The following PKNOX2 variants were observed in gnomAD, a reference collection of about 807,000 sequenced individuals.
The protein encoded by PKNOX2 is PBX/knotted 1 homeobox 2.
In PKNOX2, 14 loss-of-function variants were observed where a neutral mutation model predicts 53.1. That is an observed-to-expected ratio of 0.26 (90% CI 0.17 to 0.41). The LOEUF (loss-of-function observed/expected upper bound fraction) is 0.41. Among genes scored for constraint, PKNOX2 ranks in the 10% least tolerant of loss-of-function variants. The probability of loss-of-function intolerance (pLI) is 1.00; values close to 1 mark genes in which losing one functional copy is unlikely to be tolerated. For missense variants in PKNOX2, 496 were observed against 602.8 expected (o/e 0.82, Z 1.85); for synonymous variants, 257 against 242.8 (o/e 1.06, Z -0.54).
rs562348186 is a variant in PKNOX2, at chr11:125,404,763, C to T, written c.589-5433C>T. On this transcript the variant is annotated intron_variant, in intron 7 of 12. Transcript: ENST00000298282. ...CAGTTTCGGGGAATTCAGAGAAAGACCCCTCTTTCCCTCAAAAAGCCTGCC... is the reference window on the plus strand; with the variant it reads ...CAGTTTCGGGGAATTCAGAGAAAGATCCCTCTTTCCCTCAAAAAGCCTGCC... 9.9e-5 allele frequency among the ~76,000 whole-genome samples: 15 copies of T among 152,256 alleles called. No individual in the cohort carries two copies. The South Asian group carries it at 2.9e-3, about 30-fold the overall frequency.
chr11:125,244,505 C>T (rs1369833358), intron 2 of PKNOX2, among the ~76,000 whole-genome samples: 2 of 152,230 alleles, frequency 1.3e-5, no homozygotes, highest in Non-Finnish European at 2.9e-5. Flanking sequence ...CTCGCCTTCC[C>T]CCTGAGTTGG....
intron 10 of PKNOX2, among the ~76,000 whole-genome samples, chr11:125,423,166 T>C (rs917484827): frequency 6.6e-6 from 1 of 152,082 alleles, no homozygotes; most frequent in Non-Finnish European, 1.5e-5. Flanking sequence ...TCTCTCCCAT[T>C]TTACAGAAGA....
At chr11:125,184,670 C>T (rs551989725) in intron 1 of PKNOX2, among the ~76,000 whole-genome samples, 1 of 152,342 alleles carries the variant, frequency 6.6e-6, no homozygotes, top group African/African-American at 2.4e-5. Context: ...TGGAACCTGC[C>T]TGTGCTGACT....
chr11:125,224,729 G>T (rs898826766), intron 1 of PKNOX2, among the ~76,000 whole-genome samples: 7 of 152,150 alleles, frequency 4.6e-5, no homozygotes, highest in Admixed American at 2.0e-4. Context: ...CCACCCCTCC[G>T]CAGAGAATCA....
At chr11:125,233,577 C>T (rs1425605635) in intron 1 of PKNOX2, among the ~76,000 whole-genome samples, 1 of 152,180 alleles carries the variant, frequency 6.6e-6, no homozygotes, top group Non-Finnish European at 1.5e-5. Flanking sequence ...GGTCCTTTTC[C>T]TCAGTGGTTT....
At chr11:125,189,411 ATATGTGTGTGTGTG>A (rs376727747) in intron 1 of PKNOX2, among the ~76,000 whole-genome samples, 5,105 of 50,940 alleles carry the variant, frequency 0.1, 474 homozygotes, top group Admixed American at 0.21. Context: ...GTGTATATAT[ATATGTGTGTGTGTG>A]TGTGTGTGTG....
chr11:125,259,381 T>C (rs1402376945), intron 2 of PKNOX2, among the ~76,000 whole-genome samples: 1 of 152,186 alleles, frequency 6.6e-6, no homozygotes, highest in African/African-American at 2.4e-5. Flanking sequence ...TGACAACTTT[T>C]TTTATTCTGT....
intron 2 of PKNOX2, among the ~76,000 whole-genome samples, chr11:125,288,826 A>G (rs1318010678): frequency 6.6e-6 from 1 of 152,204 alleles, no homozygotes; most frequent in Admixed American, 6.5e-5. Context: ...AGACCCCCTG[A>G]ATCTGAATCT....
intron 1 of PKNOX2, among the ~76,000 whole-genome samples, chr11:125,197,907 G>A (rs905484696): frequency 3.9e-5 from 6 of 152,218 alleles, no homozygotes; most frequent in African/African-American, 1.2e-4. Flanking sequence ...GCAGCCAGGG[G>A]TTGCAGATTA....
intron 2 of PKNOX2, among the ~76,000 whole-genome samples, chr11:125,272,915 G>A (rs962454294): frequency 5.9e-5 from 9 of 152,190 alleles, no homozygotes; most frequent in African/African-American, 1.4e-4. Context: ...ACTGACTGTC[G>A]GGTCTGGCCG....
intron 1 of PKNOX2, among the ~76,000 whole-genome samples, chr11:125,232,625 T>G (rs1003194071): frequency 6.6e-6 from 1 of 152,258 alleles, no homozygotes; most frequent in Non-Finnish European, 1.5e-5. Context: ...CTATTCATCA[T>G]TGTCGAAGTT....
intron 2 of PKNOX2, among the ~76,000 whole-genome samples, chr11:125,284,438 C>T (rs112530458): frequency 9.2e-5 from 14 of 152,318 alleles, no homozygotes; most frequent in African/African-American, 3.4e-4. Context: ...TGCGTGTTAG[C>T]GCCAAGACAC....
At chr11:125,349,877 A>ACG (rs1555160517) in intron 3 of PKNOX2, among the ~76,000 whole-genome samples, 2,681 of 149,704 alleles carry the variant, frequency 0.018, 77 homozygotes, top group African/African-American at 0.063. Flanking sequence ...ACACACACAC[A>ACG]GCCCTGGAGG....
chr11:125,388,916 C>T (rs954966764), intron 6 of PKNOX2, among the ~76,000 whole-genome samples: 10 of 152,276 alleles, frequency 6.6e-5, no homozygotes, highest in Middle Eastern at 3.4e-3. Context: ...TAGGGAGGGC[C>T]GGGAACCGTG....
chr11:125,279,264 G>A (rs1314229597), intron 2 of PKNOX2, among the ~76,000 whole-genome samples: 1 of 152,172 alleles, frequency 6.6e-6, no homozygotes, highest in African/African-American at 2.4e-5. Flanking sequence ...CTGGGCCGTG[G>A]TATCTCCTGG....
chr11:125,423,113 T>C (rs926367654), intron 10 of PKNOX2, among the ~76,000 whole-genome samples: 1 of 152,124 alleles, frequency 6.6e-6, no homozygotes, highest in Non-Finnish European at 1.5e-5. Flanking sequence ...TATACATATA[T>C]ACTCATTTAA....
rs1164141410 is a variant in PKNOX2, at chr11:125,166,277, G to T, written c.-201+1501G>T. ...TGGGGAGGGTAGCACGAGGGGTCCT[G>T]CAGCTCCGCGTGTGAAAAAGCGTTT... is the stretch of plus-strand genomic sequence containing the variant. On this transcript the variant is annotated intron_variant, in intron 1 of 12. Transcript: ENST00000298282. The surrounding 1 kb of genome is among the most constrained non-coding windows in gnomAD (Gnocchi z 4.0). Among the ~76,000 whole-genome samples, 1 of 152,162 alleles carries T rather than the reference G, an allele frequency of 6.6e-6. No individual in the cohort carries two copies. Among genetic ancestry groups the T allele is most frequent in the Admixed American group, 6.5e-5 (1 of 15,274 alleles).
At chr11:125,316,243 C>T (rs1337202533) in intron 2 of PKNOX2, among the ~76,000 whole-genome samples, 4 of 152,346 alleles carry the variant, frequency 2.6e-5, no homozygotes, top group African/African-American at 7.2e-5. Context: ...GACTTATCCG[C>T]ATCTGTTGCC....
At chr11:125,396,024 G>A (rs987642482) in intron 6 of PKNOX2, among the ~76,000 whole-genome samples, 8 of 150,956 alleles carry the variant, frequency 5.3e-5, no homozygotes, top group African/African-American at 2.0e-4. Context: ...CTCCATCTCG[G>A]CTCACTGTAA....
Sources: gnomAD v4.1 joint callset for allele counts (sites outside exome capture counted in the v4.1 genomes callset) on GRCh38, gnomAD v4.1.1 for gene constraint, Gnocchi (gnomAD v3.1) non-coding constraint, MANE v1.5 for transcripts, NCBI Gene and HGNC (gene_info 2026-07-23, HGNC 2026-07-21) for gene names.